The following THAP4 variants were observed in gnomAD, a reference collection of about 807,000 sequenced individuals.
THAP4 encodes the protein THAP domain containing 4, also known as peroxynitrite isomerase THAP4.
Under a neutral mutation model 48.1 loss-of-function variants are expected in THAP4, and 18 were observed. The ratio of observed to expected loss-of-function variants is 0.37; its 90% CI spans 0.26 to 0.56. The LOEUF is 0.56. THAP4 is among the 20% of genes least tolerant of loss of function. THAP4 has a pLI of 0.78. For missense variants in THAP4, 656 were observed against 774.9 expected, an observed-to-expected ratio of 0.85 and a Z score of 1.82; for synonymous variants, 345 against 324.9, an observed-to-expected ratio of 1.06 and a Z score of -0.66.
chr2:241,598,715 C>T (rs1264024584), intron 5 of THAP4, among the ~76,000 whole-genome samples: 3 of 152,146 alleles, frequency 2.0e-5, no homozygotes, highest in Admixed American at 6.5e-5. Flanking sequence ...CATGCCCACT[C>T]ACCTGCTGGC....
chr2:241,586,914 C>A (rs1312109268), intron 5 of THAP4, among the ~76,000 whole-genome samples: 1 of 152,166 alleles, frequency 6.6e-6, no homozygotes, highest in African/African-American at 2.4e-5. Flanking sequence ...GGAAAGACAA[C>A]AGAACACAAG....
At chr2:241,617,080 T>C (rs1357782844) in intron 2 of THAP4, among the ~76,000 whole-genome samples, 1 of 152,228 alleles carries the variant, frequency 6.6e-6, no homozygotes, top group African/African-American at 2.4e-5. Flanking sequence ...AAGAGAATTT[T>C]AGAATCCAAA....
Position 241,617,379 on chromosome 2 carries a change from T to C in THAP4, c.1241-10906A>G, listed in dbSNP as rs762139002. 7.0e-6 allele frequency: 10 copies of C among 1,426,138 alleles called. No individual in the cohort carries two copies. In the South Asian group the frequency reaches 7.6e-5, roughly 11 times the overall value. The allele number at this position is 1,426,138 out of a possible 1,614,324, so 88.3% of individuals were successfully genotyped here. ...TTCCTGCAAGAAATTTAAATTTTCATGTTTTGGCCCAAGACACTGAAAGCA... is the reference window on the plus strand; with the variant it reads ...TTCCTGCAAGAAATTTAAATTTTCACGTTTTGGCCCAAGACACTGAAAGCA... On this transcript the variant is annotated intron_variant, in intron 2 of 5. Coordinates refer to ENST00000407315, the MANE Select transcript of THAP4 (RefSeq NM_015963.6).
rs929965720 is a variant in THAP4 at position 241,613,532 on chromosome 2, T to C, written c.1241-7059A>G. Among the ~76,000 whole-genome samples, 5 of 152,208 alleles carry C rather than the reference T, an allele frequency of 3.3e-5. No homozygotes were observed. In the East Asian group the frequency reaches 5.8e-4, roughly 18 times the overall value. On this transcript the variant is annotated intron_variant, in intron 2 of 5. Transcript: ENST00000407315. ...CCTTTGGGAGGCCGAGGAGGGTGGA[T>C]TGCCTGAGCTCAGGAGTTTGAGACC...
intron 2 of THAP4, among the ~76,000 whole-genome samples, chr2:241,630,231 A>G (rs2067540426): frequency 6.6e-6 from 1 of 152,238 alleles, no homozygotes; most frequent in African/African-American, 2.4e-5. Context: ...AGAAATGAAC[A>G]GCAACAAAAG....
At chr2:241,604,731 T>A (rs1034374250) in intron 3 of THAP4, among the ~76,000 whole-genome samples, 4 of 151,518 alleles carry the variant, frequency 2.6e-5, no homozygotes, top group African/African-American at 9.7e-5. Flanking sequence ...ATTTATTTAT[T>A]AAAACAAATT....
At chr2:241,613,980 C>A (rs1475038913) in intron 2 of THAP4, among the ~76,000 whole-genome samples, 4 of 151,918 alleles carry the variant, frequency 2.6e-5, no homozygotes, top group Admixed American at 1.3e-4. Flanking sequence ...AGTGAAACCC[C>A]ATCTCTACCA....
chr2:241,608,605 G>C (rs1467688478), intron 2 of THAP4, among the ~76,000 whole-genome samples: 3 of 152,222 alleles, frequency 2.0e-5, no homozygotes, highest in Non-Finnish European at 4.4e-5. Flanking sequence ...AACGAGGCTT[G>C]TGATCTATCA....
chr2:241,586,163 AG>A (rs2066894539), intron 5 of THAP4, among the ~76,000 whole-genome samples: 1 of 149,972 alleles, frequency 6.7e-6, no homozygotes, highest in African/African-American at 2.5e-5. Context: ...AGGCTGAGGC[AG>A]GAGAATGGCG....
At chr2:241,628,329 C>T (rs1474140730) in intron 2 of THAP4, among the ~76,000 whole-genome samples, 1 of 151,860 alleles carries the variant, frequency 6.6e-6, no homozygotes, top group Non-Finnish European at 1.5e-5. Flanking sequence ...TGCCCTCCAC[C>T]CCCACACTCA....
At chr2:241,602,074 G>C in intron 4 of THAP4, 75 bp from the exon 5 acceptor site, 1 of 1,469,444 alleles carries the variant, frequency 6.8e-7, no homozygotes, top group Non-Finnish European at 9.3e-7. Flanking sequence ...CTCCTTGCCT[G>C]CAAGCCGGGA....
chr2:241,621,756 C>T (rs771732722), intron 2 of THAP4, among the ~76,000 whole-genome samples: 7 of 152,038 alleles, frequency 4.6e-5, no homozygotes, highest in Non-Finnish European at 1.0e-4. Flanking sequence ...ATCGATGACA[C>T]CAAACCACAG....
intron 5 of THAP4, among the ~76,000 whole-genome samples, chr2:241,595,878 G>A (rs569790917): frequency 6.6e-6 from 1 of 152,294 alleles, no homozygotes; most frequent in African/African-American, 2.4e-5. Flanking sequence ...GCCCCGGAAC[G>A]ACCCTGGGCA....
In THAP4 at chr2:241,606,246, T is replaced by C. The variant is rs761443581; in HGVS notation, c.1400+68A>G. ...GCTTGGCCTTTGTCTTTGATCAGTC[T>C]GGAATTATTTTCAGAGACCTAGGCG... is the stretch of plus-strand genomic sequence containing the variant. On this transcript the variant is annotated intron_variant, in intron 3 of 5. Transcript: ENST00000407315. The C allele has an allele frequency of 5.0e-5, 71 of 1,420,898 alleles. No individual in the cohort carries two copies. In the East Asian group the frequency reaches 1.7e-3, roughly 33 times the overall value. 88.0% of individuals were successfully genotyped at this position (1,420,898 alleles called of 1,614,324 possible). A position where few individuals can be genotyped will look rare whatever the true frequency, so the allele number is the denominator to read the frequency against.
Position 241,602,876 on chromosome 2 carries a change from G to A in THAP4, c.1510+94C>T, listed in dbSNP as rs563258866. On this transcript the variant is annotated intron_variant, in intron 4 of 5. Coordinates refer to ENST00000407315, the MANE Select transcript of THAP4 (RefSeq NM_015963.6). Reference sequence around the variant, plus strand: ...ACGGTCCCCACCAGCACATGCCTCAGCAGGGTTGCACATGGGCATCCCTGC... The same window carrying A: ...ACGGTCCCCACCAGCACATGCCTCAACAGGGTTGCACATGGGCATCCCTGC... 24 of 961,570 alleles carry A rather than the reference G, an allele frequency of 2.5e-5. No individual in the cohort carries two copies. The Admixed American group carries it at 4.4e-4, about 17-fold the overall frequency. 59.6% of individuals were successfully genotyped at this position (961,570 alleles called of 1,614,324 possible). A position where few individuals can be genotyped will look rare whatever the true frequency, so the allele number is the denominator to read the frequency against.
intron 1 of THAP4, among the ~76,000 whole-genome samples, chr2:241,635,424 T>C (rs1462052003): frequency 6.6e-6 from 1 of 152,374 alleles, no homozygotes; most frequent in South Asian, 2.1e-4. Context: ...AGATCCTTCA[T>C]AACCATTTCT....
rs1311349116 is a variant in THAP4, at chr2:241,616,449, C to G, written c.1241-9976G>C. On this transcript the variant is annotated intron_variant, in intron 2 of 5. Coordinates refer to ENST00000407315, the MANE Select transcript of THAP4 (RefSeq NM_015963.6). The surrounding 1 kb of genome is among the most constrained non-coding windows in gnomAD (Gnocchi z 4.6). ...CAGGGGGATGGTGTCCTGGTAAGAACAGGTAGGGAGAGGCTGCCTCAAAAA... is the reference window on the plus strand; with the variant it reads ...CAGGGGGATGGTGTCCTGGTAAGAAGAGGTAGGGAGAGGCTGCCTCAAAAA... Among the ~76,000 whole-genome samples the G allele has an allele frequency of 6.6e-6, 1 of 152,126 alleles. No homozygotes were observed. Among genetic ancestry groups the G allele is most frequent in the African/African-American group, 2.4e-5 (1 of 41,432 alleles).
At chr2:241,620,320 T>G (rs1575034430) in intron 2 of THAP4, among the ~76,000 whole-genome samples, 2 of 28,940 alleles carry the variant, frequency 6.9e-5, no homozygotes, top group Admixed American at 5.1e-4. Context: ...GAGGGGTGAG[T>G]GAGTCGGTGA....
chr2:241,635,386 G>A (rs890614408), intron 1 of THAP4, among the ~76,000 whole-genome samples: 1 of 152,250 alleles, frequency 6.6e-6, no homozygotes, highest in Non-Finnish European at 1.5e-5. Context: ...TGAATAGGAT[G>A]TTTAGTCATT....
Sources: gnomAD v4.1 joint callset for allele counts (sites outside exome capture counted in the v4.1 genomes callset) on GRCh38, gnomAD v4.1.1 for gene constraint, Gnocchi (gnomAD v3.1) non-coding constraint, MANE v1.5 for transcripts, NCBI Gene and HGNC (gene_info 2026-07-23, HGNC 2026-07-21) for gene names.